Variants in FAM169A observed in about 807,000 individuals in gnomAD.
FAM169A encodes the protein family with sequence similarity 169 member A.
Under a neutral mutation model 75.7 loss-of-function variants are expected in FAM169A, and 24 were observed. The ratio of observed to expected loss-of-function variants is 0.32; its 90% CI spans 0.23 to 0.45. The LOEUF (loss-of-function observed/expected upper bound fraction) is 0.45, where lower values mean the gene tolerates loss of function less well. Ranked by LOEUF, FAM169A falls within the 20% of genes least tolerant of loss-of-function variation. FAM169A has a pLI of 1.00. For missense variants in FAM169A, 673 were observed against 784.0 expected (o/e 0.86, Z 1.69); for synonymous variants, 271 against 271.0 (o/e 1.00, Z 0.00).
At chr5:74,849,927 T>C (rs115694636) in intron 1 of FAM169A, among the ~76,000 whole-genome samples, 146 of 152,254 alleles carry the variant, frequency 9.6e-4, no homozygotes, top group African/African-American at 3.4e-3. Context: ...GTAAAAACAT[T>C]TAATTATGTA....
At chr5:74,819,583 C>A (rs1469482406) in intron 5 of FAM169A, among the ~76,000 whole-genome samples, 1 of 152,156 alleles carries the variant, frequency 6.6e-6, no homozygotes, top group African/African-American at 2.4e-5. Flanking sequence ...CATGTCCAAA[C>A]AACAACTTGT....
chr5:74,795,432 T>C (rs77948106), intron 11 of FAM169A, among the ~76,000 whole-genome samples: 1,618 of 152,112 alleles, frequency 0.011, 31 homozygotes, highest in African/African-American at 0.037. Context: ...TGGAAATGGA[T>C]AGAGGAAAGA....
chr5:74,856,143 G>A (rs906195803), intron 1 of FAM169A, among the ~76,000 whole-genome samples: 2 of 152,240 alleles, frequency 1.3e-5, no homozygotes, highest in Middle Eastern at 3.4e-3. Flanking sequence ...TGGTCTATGT[G>A]TCTGTTTTTA....
chr5:74,799,908 A>G, intron 10 of FAM169A: 1 of 920,482 alleles, frequency 1.1e-6, no homozygotes, highest in Non-Finnish European at 1.8e-6. Context: ...CTTCTGCAAC[A>G]CGGACAAGAG....
chr5:74,813,368 C>T (rs1747307729), intron 6 of FAM169A, among the ~76,000 whole-genome samples: 1 of 151,834 alleles, frequency 6.6e-6, no homozygotes, highest in Non-Finnish European at 1.5e-5. Flanking sequence ...GCTCTGTCAC[C>T]CAGGCTGGAA....
At chr5:74,813,293 G>C (rs935073177) in intron 6 of FAM169A, among the ~76,000 whole-genome samples, 1 of 151,906 alleles carries the variant, frequency 6.6e-6, no homozygotes, top group African/African-American at 2.4e-5. Flanking sequence ...ACTTTTAACA[G>C]GGCAAATATT....
At chr5:74,850,114 T>C (rs1264869549) in intron 1 of FAM169A, among the ~76,000 whole-genome samples, 1 of 152,214 alleles carries the variant, frequency 6.6e-6, no homozygotes, top group Non-Finnish European at 1.5e-5. Flanking sequence ...TATCACCTGA[T>C]GTAACTTTTA....
chr5:74,846,891 T>C (rs1362569541), intron 1 of FAM169A, among the ~76,000 whole-genome samples: 1 of 152,148 alleles, frequency 6.6e-6, no homozygotes, highest in Admixed American at 6.5e-5. Flanking sequence ...AAGAGTGGTA[T>C]ACAGGCCCAC....
chr5:74,823,532 ATGTTG>A, intron 5 of FAM169A, among the ~76,000 whole-genome samples: 1 of 152,302 alleles, frequency 6.6e-6, no homozygotes, highest in Middle Eastern at 3.4e-3. Context: ...ATCGACTATG[ATGTTG>A]TGGGTTTTAC....
chr5:74,783,343 G>GT lies in FAM169A; in HGVS notation c.1261-210dup. 2.6e-5 allele frequency among the ~76,000 whole-genome samples: 4 copies of GT among 152,256 alleles called. No homozygotes were observed. In the South Asian group the frequency reaches 8.3e-4, roughly 32 times the overall value. On this transcript the variant is annotated intron_variant, in intron 11 of 12. Coordinates refer to ENST00000687041, the MANE Select transcript of FAM169A (RefSeq NM_001376049.1). ...AAAATAAAATAATCCTGAGTACCCC[G>GT]TACTCCCACTGCTCTTAAGGAAAGA...
intron 4 of FAM169A, 51 bp from the exon 5 acceptor site, chr5:74,834,648 A>T: frequency 1.5e-6 from 2 of 1,328,678 alleles, no homozygotes; most frequent in South Asian, 2.0e-5. Context: ...TGCATCAATC[A>T]CAAGATGCTA....
intron 5 of FAM169A, among the ~76,000 whole-genome samples, chr5:74,814,595 T>C (rs1162257779): frequency 6.6e-6 from 1 of 152,222 alleles, no homozygotes; most frequent in Non-Finnish European, 1.5e-5. Context: ...TGGAAACATC[T>C]GTCTTAGACA....
At chr5:74,861,656 A>C (rs1217606536) in intron 1 of FAM169A, among the ~76,000 whole-genome samples, 3 of 152,134 alleles carry the variant, frequency 2.0e-5, no homozygotes, top group African/African-American at 7.2e-5. Context: ...CAGAAGCTGC[A>C]GTGAGCCAAA....
rs779616877 is a variant in FAM169A, at chr5:74,804,558, G to A, written c.847C>T (p.Pro283Ser). 1.2e-6 allele frequency: 2 copies of A among 1,612,336 alleles called. No individual in the cohort carries two copies. The highest frequency in any genetic ancestry group is 3.3e-5 in the Admixed American group (2 of 59,948). The change falls in exon 8 of 13, where the codon CCT becomes TCT. Residue 283 changes from proline (P) to serine (S), a missense_variant. This residue lies in a region of FAM169A where 510 missense variants were observed against 550.9 expected (regional missense o/e 0.93). Transcript: ENST00000687041. ...PKRPMSGEYG[P>S]ASVPEYEART... ...GCTTCGTATTCTGGAACAGATGCAG[G>A]ACCATATTCTCCAGACATAGGTCTT... is the stretch of plus-strand genomic sequence containing the variant.
intron 5 of FAM169A, among the ~76,000 whole-genome samples, chr5:74,818,129 C>T (rs563714963): frequency 2.6e-5 from 4 of 152,078 alleles, no homozygotes; most frequent in African/African-American, 9.7e-5. Context: ...ACCAAAAGCA[C>T]AAGTGACAAA....
chr5:74,784,723 C>A (rs1243680803), intron 11 of FAM169A, among the ~76,000 whole-genome samples: 2 of 150,112 alleles, frequency 1.3e-5, no homozygotes, highest in African/African-American at 4.9e-5. Context: ...TCGAGACCAT[C>A]CTGGCTAACA....
chr5:74,810,133 T>G (rs1405355035), intron 6 of FAM169A, among the ~76,000 whole-genome samples: 3 of 151,952 alleles, frequency 2.0e-5, no homozygotes, highest in Admixed American at 1.3e-4. Context: ...CTCAGCAAAA[T>G]AATAAAAAAT....
intron 5 of FAM169A, among the ~76,000 whole-genome samples, chr5:74,815,912 C>G (rs6863738): frequency 0.36 from 54,356 of 152,084 alleles, 12,941 homozygotes; most frequent in African/African-American, 0.68. Context: ...TCCACCCCTT[C>G]TTTAGCATAT....
intron 1 of FAM169A, among the ~76,000 whole-genome samples, chr5:74,847,089 C>G (rs1023224057): frequency 1.3e-5 from 2 of 152,122 alleles, no homozygotes; most frequent in Non-Finnish European, 2.9e-5. Flanking sequence ...TAACAAAAAA[C>G]CAAAACGCAT....
Sources: gnomAD v4.1 joint callset for allele counts (sites outside exome capture counted in the v4.1 genomes callset) on GRCh38, gnomAD v4.1.1 for gene constraint, gnomAD v4.1.1 regional missense constraint, MANE v1.5 for transcripts, NCBI Gene and HGNC (gene_info 2026-07-23, HGNC 2026-07-21) for gene names.